The following USP31 variants were observed in gnomAD, a reference collection of about 807,000 sequenced individuals.
The protein encoded by USP31 is ubiquitin specific peptidase 31, also known as ubiquitin carboxyl-terminal hydrolase 31.
A neutral mutation model predicts 119.4 loss-of-function variants in USP31; 44 were observed. The ratio of observed to expected loss-of-function variants is 0.37; its 90% CI spans 0.29 to 0.47. The LOEUF is 0.47. Ranked by LOEUF, USP31 falls within the 20% of genes least tolerant of loss-of-function variation. USP31 has a pLI of 0.99. For missense variants in USP31, 1,643 were observed against 1,730.2 expected, an observed-to-expected ratio of 0.95 and a Z score of 0.89; for synonymous variants, 749 against 705.6, an observed-to-expected ratio of 1.06 and a Z score of -0.97.
chr16:23,087,047 ATG>A (rs1240429001), intron 9 of USP31, 43 bp downstream of exon 9: 1 of 1,413,220 alleles, frequency 7.1e-7, no homozygotes, highest in Non-Finnish European at 9.8e-7. Context: ...ACACATGAAT[ATG>A]TGTGAGATTC....
intron 1 of USP31, among the ~76,000 whole-genome samples, chr16:23,123,243 A>G (rs893417089): frequency 2.6e-5 from 4 of 152,188 alleles, no homozygotes; most frequent in South Asian, 4.1e-4. Flanking sequence ...CTTCGTTCAA[A>G]AAGTTGACAT....
intron 6 of USP31, among the ~76,000 whole-genome samples, chr16:23,091,784 C>CT (rs1326507419): frequency 6.6e-6 from 1 of 152,106 alleles, no homozygotes; most frequent in African/African-American, 2.4e-5. Context: ...AAAGCTGAAT[C>CT]TTTGTCAAGC....
chr16:23,082,387 T>A (rs753165971), intron 12 of USP31, 51 bp downstream of exon 12: 1 of 1,607,888 alleles, frequency 6.2e-7, no homozygotes, highest in South Asian at 1.1e-5. Context: ...GCAGGGGGCA[T>A]AAGAAACTTG....
intron 1 of USP31, among the ~76,000 whole-genome samples, chr16:23,137,607 T>C (rs1237714449): frequency 1.3e-5 from 2 of 151,376 alleles, no homozygotes; most frequent in Non-Finnish European, 2.9e-5. Context: ...GACATATATA[T>C]ATGTGTTATA....
chr16:23,078,123 C>T (rs371765759), intron 13 of USP31, among the ~76,000 whole-genome samples: 1 of 151,804 alleles, frequency 6.6e-6, no homozygotes. Context: ...ACCATCCTGG[C>T]CAACATGGTG....
chr16:23,073,482 C>T (rs1475668004), intron 14 of USP31, among the ~76,000 whole-genome samples: 1 of 152,206 alleles, frequency 6.6e-6, no homozygotes, highest in African/African-American at 2.4e-5. Context: ...ACATCATGAG[C>T]TTTCTTTGCG....
intron 5 of USP31, among the ~76,000 whole-genome samples, chr16:23,104,622 T>C (rs1233546493): frequency 6.6e-6 from 1 of 152,260 alleles, no homozygotes; most frequent in African/African-American, 2.4e-5. Context: ...TTTGTTTTAC[T>C]GTGGTAACTT....
chr16:23,148,695 G>C lies in USP31; in HGVS notation c.576C>G (p.His192Gln). Reference sequence around the variant, plus strand: ...CCAGGGTCCAGAGGGCCCGCACCAGGTGCGCCAGCTGCTCAGTGACCTCGC... The same window carrying C: ...CCAGGGTCCAGAGGGCCCGCACCAGCTGCGCCAGCTGCTCAGTGACCTCGC... ...GQGEVTEQLA[H>Q]LVRALWTLEY... The change falls in exon 1 of 16, where the codon CAC (histidine) becomes CAG (glutamine). Residue 192 changes from histidine (H) to glutamine (Q), a missense_variant. Coordinates refer to ENST00000219689, the MANE Select transcript of USP31 (RefSeq NM_020718.4). The C allele has an allele frequency of 6.7e-7, 1 of 1,493,670 alleles. No homozygotes were observed. The highest frequency in any genetic ancestry group is 8.9e-7 in the Non-Finnish European group (1 of 1,124,602). 92.5% of individuals were successfully genotyped at this position (1,493,670 alleles called of 1,614,324 possible). A position where few individuals can be genotyped will look rare whatever the true frequency, so the allele number is the denominator to read the frequency against.
chr16:23,081,666 C>A (rs1307354804), intron 12 of USP31, among the ~76,000 whole-genome samples: 3 of 152,236 alleles, frequency 2.0e-5, no homozygotes, highest in African/African-American at 7.2e-5. Flanking sequence ...CGGAATCCTA[C>A]TCCGCCCCCA....
chr16:23,147,720 G>C (rs898890199), intron 1 of USP31, among the ~76,000 whole-genome samples: 1 of 152,172 alleles, frequency 6.6e-6, no homozygotes, highest in Non-Finnish European at 1.5e-5. Flanking sequence ...TTGAGGACAA[G>C]AGTTCAAGAC....
intron 1 of USP31, among the ~76,000 whole-genome samples, chr16:23,122,371 A>C (rs1040156049): frequency 4.6e-5 from 7 of 152,334 alleles, no homozygotes; most frequent in African/African-American, 1.4e-4. Flanking sequence ...CGTGGGAATA[A>C]AATGGTATAG....
intron 1 of USP31, among the ~76,000 whole-genome samples, chr16:23,147,506 A>G (rs1903552386): frequency 6.6e-6 from 1 of 152,078 alleles, no homozygotes; most frequent in Non-Finnish European, 1.5e-5. Flanking sequence ...GTAACCGCCC[A>G]ATTTCTTAGT....
chr16:23,086,314 C>T (rs966880808), intron 9 of USP31, among the ~76,000 whole-genome samples: 1 of 151,878 alleles, frequency 6.6e-6, no homozygotes, highest in Non-Finnish European at 1.5e-5. Flanking sequence ...ATAGGCACTA[C>T]AATATTTGTT....
chr16:23,126,320 T>TAA (rs71279502), intron 1 of USP31, among the ~76,000 whole-genome samples: 465 of 107,154 alleles, frequency 4.3e-3, no homozygotes, highest in Non-Finnish European at 7.7e-3. Context: ...CCTGTCTCTT[T>TAA]AAAAAAAAAA....
Position 23,143,596 on chromosome 16 carries a change from A to G in USP31, c.633+5042T>C, listed in dbSNP as rs368738890. 4.8e-4 allele frequency among the ~76,000 whole-genome samples: 62 copies of G among 129,494 alleles called. 1 individual carries two copies. The Middle Eastern group carries it at 0.012, about 25-fold the overall frequency. The allele number at this position is 129,494 out of a possible 152,430, so 85.0% of individuals were successfully genotyped here. ...AGAGAGGGAGAGGTTGGGGGGGGGGAGAGAGAGAGAAAGAGAGAGCGCGAG... is the reference window on the plus strand; with the variant it reads ...AGAGAGGGAGAGGTTGGGGGGGGGGGGAGAGAGAGAAAGAGAGAGCGCGAG... On this transcript the variant is annotated intron_variant, in intron 1 of 15. Transcript: ENST00000219689.
intron 1 of USP31, among the ~76,000 whole-genome samples, chr16:23,117,981 G>A (rs1902551926): frequency 6.6e-6 from 1 of 152,126 alleles, no homozygotes; most frequent in Non-Finnish European, 1.5e-5. Flanking sequence ...TAGAGATGGG[G>A]TTTCACCATG....
intron 8 of USP31, 62 bp downstream of exon 8, chr16:23,087,662 A>T: frequency 7.1e-7 from 1 of 1,417,774 alleles, no homozygotes; most frequent in Non-Finnish European, 9.8e-7. Flanking sequence ...TTTCATTGTA[A>T]TGTTTGTTTC....
intron 1 of USP31, among the ~76,000 whole-genome samples, chr16:23,137,728 C>T (rs1431255049): frequency 6.6e-6 from 1 of 150,762 alleles, no homozygotes; most frequent in East Asian, 1.9e-4. Context: ...GGAAATGTAT[C>T]CTAAAGAAAC....
In USP31 at chr16:23,063,185, A is replaced by G. The variant is rs1322418044; in HGVS notation, c.*4861T>C. The stretch of plus-strand genomic sequence containing the variant: ...GAATCTTGAGGAAAATACATGTGTG[A>G]GATTCAAAAAAGTCTCTCAAATTTG... On this transcript the variant is annotated 3_prime_UTR_variant, in exon 16 of 16. Coordinates refer to ENST00000219689, the MANE Select transcript of USP31 (RefSeq NM_020718.4). 1 of 152,228 alleles carries G rather than the reference A, an allele frequency of 6.6e-6. No homozygotes were observed. Among genetic ancestry groups the G allele is most frequent in the Non-Finnish European group, 1.5e-5 (1 of 68,036 alleles). 9.4% of individuals were successfully genotyped at this position (152,228 alleles called of 1,614,324 possible).
Sources: allele counts gnomAD v4.1 joint callset (sites outside exome capture counted in the v4.1 genomes callset), GRCh38; gene constraint gnomAD v4.1.1; transcripts MANE v1.5; gene names NCBI Gene and HGNC (gene_info 2026-07-23, HGNC 2026-07-21).